Variants in NPEPPS observed in about 807,000 individuals in gnomAD.
The protein encoded by NPEPPS is aminopeptidase puromycin sensitive.
NPEPPS carries 14 observed loss-of-function variants against 115.5 expected under a neutral mutation model. That is an observed-to-expected ratio of 0.12 (90% CI 0.08 to 0.19). NPEPPS has a LOEUF of 0.19. Ranked by LOEUF, NPEPPS falls within the 10% of genes least tolerant of loss-of-function variation. The probability of loss-of-function intolerance (pLI) is 1.00; values close to 1 mark genes in which losing one functional copy is unlikely to be tolerated. For missense variants in NPEPPS, 523 were observed against 1,110.8 expected (o/e 0.47, Z 7.52); for synonymous variants, 285 against 390.6 (o/e 0.73, Z 3.19).
intron 21 of NPEPPS, 28 bp downstream of exon 21, chr17:47,619,192 T>C: frequency 2.5e-6 from 4 of 1,579,258 alleles, no homozygotes; most frequent in Non-Finnish European, 3.5e-6. Context: ...AGTAGCTTGC[T>C]AATCATGGAT....
At chr17:47,528,748 C>T (rs934524689), upstream of NPEPPS, among the ~76,000 whole-genome samples, 2 of 152,004 alleles carry the variant, frequency 1.3e-5, no homozygotes, top group Admixed American at 1.3e-4. Flanking sequence ...TCTTCTGCCT[C>T]AGCCTCCAGA....
intron 1 of NPEPPS, among the ~76,000 whole-genome samples, chr17:47,535,832 CTTT>C (rs553790964): frequency 2.0e-5 from 2 of 100,986 alleles, no homozygotes; most frequent in Non-Finnish European, 4.1e-5. Context: ...ATTGGGTATT[CTTT>C]TTTTTTTTTT....
intron 3 of NPEPPS, among the ~76,000 whole-genome samples, chr17:47,575,998 A>T (rs8072644): frequency 0.45 from 68,257 of 151,920 alleles, 16,313 homozygotes; most frequent in East Asian, 0.55. Context: ...ATCTTTTTCA[A>T]GACGGATTGC....
At chr17:47,596,864 G>A (rs1912909839) in intron 13 of NPEPPS, among the ~76,000 whole-genome samples, 1 of 152,146 alleles carries the variant, frequency 6.6e-6, no homozygotes, top group Non-Finnish European at 1.5e-5. Flanking sequence ...CCCGGCCAAT[G>A]TAGTAAAACC....
In NPEPPS at chr17:47,599,672, T is replaced by G. The variant is rs546926364; in HGVS notation, c.1537-4T>G. 2.6e-6 allele frequency: 4 copies of G among 1,557,922 alleles called. No individual in the cohort carries two copies. Among genetic ancestry groups the G allele is most frequent in the Non-Finnish European group, 3.5e-6 (4 of 1,149,482 alleles). ...CTATTATAGCCTTTGTTTTGCTTCTTTAGGTAGAAGATGACAGATTATTGA... is the reference window on the plus strand; with the variant it reads ...CTATTATAGCCTTTGTTTTGCTTCTGTAGGTAGAAGATGACAGATTATTGA... On this transcript the variant is annotated splice_polypyrimidine_tract_variant and splice_region_variant and intron_variant, in intron 13 of 22. Coordinates refer to ENST00000322157, the MANE Select transcript of NPEPPS (RefSeq NM_006310.4).
chr17:47,612,641 C>CATCATTTTG (rs1406490320), intron 18 of NPEPPS, 39 bp downstream of exon 18: 5 of 1,372,474 alleles, frequency 3.6e-6, no homozygotes, highest in Non-Finnish European at 5.1e-6. Context: ...TTATAGGTAA[C>CATCATTTTG]ATCATTTTGT....
chr17:47,544,502 G>GTATTTATTTATT (rs61518431), intron 1 of NPEPPS, among the ~76,000 whole-genome samples: 6 of 141,552 alleles, frequency 4.2e-5, no homozygotes, highest in East Asian at 2.0e-4. Context: ...GAAATTAAAC[G>GTATTTATTTATT]TATTTATTTA....
intron 2 of NPEPPS, among the ~76,000 whole-genome samples, chr17:47,554,362 T>A (rs563864325): frequency 1.3e-5 from 2 of 151,634 alleles, no homozygotes; most frequent in East Asian, 1.9e-4. Flanking sequence ...TTAAAAAAAA[T>A]TATTTCATTT....
At chr17:47,585,451 G>A in intron 5 of NPEPPS, 49 bp from the exon 6 acceptor site, 1 of 1,337,106 alleles carries the variant, frequency 7.5e-7, no homozygotes, top group African/African-American at 1.5e-5. Flanking sequence ...TTTGCTCTAT[G>A]GTATTAATGT....
At chr17:47,526,542 G>A (rs1054452017), upstream of NPEPPS, among the ~76,000 whole-genome samples, 8 of 152,324 alleles carry the variant, frequency 5.3e-5, no homozygotes, top group African/African-American at 1.7e-4. Flanking sequence ...AACAAGTCTG[G>A]GAAAATGATA....
intron 2 of NPEPPS, among the ~76,000 whole-genome samples, chr17:47,568,921 C>G (rs1192725250): frequency 6.6e-6 from 1 of 151,752 alleles, no homozygotes. Context: ...TCCCAAAGTG[C>G]TGGGATTACA....
At position 47,569,385 on chromosome 17, in the gene NPEPPS, G is replaced by C. The variant is rs751465964; in HGVS notation, c.341-32G>C. On this transcript the variant is annotated intron_variant, in intron 2 of 22. Coordinates refer to ENST00000322157, the MANE Select transcript of NPEPPS (RefSeq NM_006310.4). ...TGATTTCGTCTTGTCAGTCCAGTCA[G>C]AATTGTAAAGTAATTTTTTTTCTCA... is the stretch of plus-strand genomic sequence containing the variant. The C allele has an allele frequency of 4.2e-6, 6 of 1,427,090 alleles. No individual in the cohort carries two copies. The South Asian group carries it at 7.2e-5, about 17-fold the overall frequency. The allele number at this position is 1,427,090 out of a possible 1,614,324, so 88.4% of individuals were successfully genotyped here.
intron 19 of NPEPPS, among the ~76,000 whole-genome samples, chr17:47,616,693 AAAAG>A (rs1597897517): frequency 1.3e-5 from 2 of 151,672 alleles, no homozygotes; most frequent in East Asian, 3.9e-4. Context: ...CAAAAAAAAA[AAAAG>A]AAAAGAAAAA....
In NPEPPS at chr17:47,601,712, G is replaced by C. The variant is rs1432596669; in HGVS notation, c.1705G>C (p.Val569Leu). The change falls in exon 15 of 23, where the codon GTT becomes CTT. Residue 569 changes from valine (V) to leucine (L), a missense_variant. Coordinates refer to ENST00000322157, the MANE Select transcript of NPEPPS (RefSeq NM_006310.4). ...AATGGACAAGCCAGAGATGAATGTG[G>C]TTTTGAAAAATGTCAAACCAGACCA... is the stretch of plus-strand genomic sequence containing the variant. ...ILMDKPEMNV[V>L]LKNVKPDQWV... The C allele has an allele frequency of 6.2e-7, 1 of 1,613,270 alleles. No homozygotes were observed. Among genetic ancestry groups the C allele is most frequent in the Non-Finnish European group, 8.5e-7 (1 of 1,179,706 alleles).
intron 19 of NPEPPS, among the ~76,000 whole-genome samples, chr17:47,615,641 C>A (rs1231100452): frequency 6.6e-6 from 1 of 152,092 alleles, no homozygotes; most frequent in East Asian, 1.9e-4. Flanking sequence ...ATTCTGTGAA[C>A]CTGTATACTA....
At position 47,603,859 on chromosome 17, in the gene NPEPPS, G is replaced by A. The variant is rs759820827; in HGVS notation, c.1741-56G>A. The stretch of plus-strand genomic sequence containing the variant: ...AGAACTCCTTTTAAACATACAAAAG[G>A]TTGATTTAAAAAATTAATGGAGCTG... On this transcript the variant is annotated intron_variant, in intron 15 of 22. Coordinates refer to ENST00000322157, the MANE Select transcript of NPEPPS (RefSeq NM_006310.4). The A allele has an allele frequency of 4.6e-6, 7 of 1,506,166 alleles. No homozygotes were observed. The African/African-American group carries it at 8.3e-5, about 18-fold the overall frequency. 93.3% of individuals were successfully genotyped at this position (1,506,166 alleles called of 1,614,324 possible). A position where few individuals can be genotyped will look rare whatever the true frequency, so the allele number is the denominator to read the frequency against.
intron 18 of NPEPPS, among the ~76,000 whole-genome samples, chr17:47,613,334 C>T (rs951795133): frequency 2.1e-4 from 29 of 138,118 alleles, no homozygotes; most frequent in Non-Finnish European, 3.5e-4. Context: ...GGTGTGATCT[C>T]GGCTCACTGT....
chr17:47,562,861 C>G (rs1237635829), intron 2 of NPEPPS, among the ~76,000 whole-genome samples: 1 of 149,150 alleles, frequency 6.7e-6, no homozygotes, highest in Non-Finnish European at 1.5e-5. Flanking sequence ...TCATATTTGT[C>G]CATTTTTAAT....
intron 1 of NPEPPS, among the ~76,000 whole-genome samples, chr17:47,525,034 T>C (rs1237132349): frequency 2.0e-5 from 3 of 151,960 alleles, no homozygotes; most frequent in Non-Finnish European, 4.4e-5. Flanking sequence ...GGGACATTAC[T>C]GACTTTCCCA....
Sources: gnomAD v4.1 joint callset for allele counts (sites outside exome capture counted in the v4.1 genomes callset) on GRCh38, gnomAD v4.1.1 for gene constraint, MANE v1.5 for transcripts, NCBI Gene and HGNC (gene_info 2026-07-23, HGNC 2026-07-21) for gene names.